LHFPL3: variants seen among roughly 807,000 people sequenced by gnomAD.
LHFPL3 encodes LHFPL tetraspan subfamily member 3, also known as LHFPL tetraspan subfamily member 3 protein.
A neutral mutation model predicts 19.3 loss-of-function variants in LHFPL3; 5 were observed. The ratio of observed to expected loss-of-function variants is 0.26; its 90% CI spans 0.14 to 0.54. The LOEUF (loss-of-function observed/expected upper bound fraction) is 0.54. Among genes scored for constraint, LHFPL3 ranks in the 20% least tolerant of loss-of-function variants. The pLI is 0.94. For synonymous variants in LHFPL3, 133 were observed against 126.2 expected, an observed-to-expected ratio of 1.05 and a Z score of -0.36; for missense variants, 249 against 307.4, an observed-to-expected ratio of 0.81 and a Z score of 1.42.
chr7:104,596,710 C>G (rs1161939394), intron 1 of LHFPL3, among the ~76,000 whole-genome samples: 2 of 152,238 alleles, frequency 1.3e-5, no homozygotes, highest in Non-Finnish European at 1.5e-5. Context: ...GTGGAGGCTA[C>G]ATTCAGATAC....
chr7:104,465,386 C>G (rs7456130), intron 1 of LHFPL3, among the ~76,000 whole-genome samples: 1 of 152,038 alleles, frequency 6.6e-6, no homozygotes, highest in Admixed American at 6.6e-5. Flanking sequence ...AAGTTGATTC[C>G]ACATTTTCGG....
intron 1 of LHFPL3, among the ~76,000 whole-genome samples, chr7:104,600,774 C>A (rs1400766608): frequency 6.6e-6 from 1 of 152,148 alleles, no homozygotes; most frequent in Non-Finnish European, 1.5e-5. Context: ...TCACAGTGTA[C>A]CTGTGATTTG....
intron 2 of LHFPL3, among the ~76,000 whole-genome samples, chr7:104,753,846 C>A (rs1278208502): frequency 2.0e-5 from 3 of 152,220 alleles, no homozygotes; most frequent in African/African-American, 7.2e-5. Context: ...AGTGAGTTAT[C>A]GGTTTGCACC....
At chr7:104,885,650 C>G (rs781124925) in intron 2 of LHFPL3, among the ~76,000 whole-genome samples, 1 of 152,174 alleles carries the variant, frequency 6.6e-6, no homozygotes, top group African/African-American at 2.4e-5. Context: ...CAAGCCACCA[C>G]TGCCTCTCTT....
intron 1 of LHFPL3, among the ~76,000 whole-genome samples, chr7:104,368,205 T>G (rs775113350): frequency 6.6e-6 from 1 of 152,266 alleles, no homozygotes; most frequent in Non-Finnish European, 1.5e-5. Flanking sequence ...GCTGCCTTTA[T>G]GTTCCCCACC....
intron 1 of LHFPL3, among the ~76,000 whole-genome samples, chr7:104,444,031 C>T (rs1450445235): frequency 6.6e-6 from 1 of 152,174 alleles, no homozygotes; most frequent in African/African-American, 2.4e-5. Flanking sequence ...TTGGCACAGC[C>T]TTTGGGCATT....
At chr7:104,712,307 A>G (rs1793312627) in intron 1 of LHFPL3, among the ~76,000 whole-genome samples, 1 of 152,268 alleles carries the variant, frequency 6.6e-6, no homozygotes, top group South Asian at 2.1e-4. Context: ...GAAGTCCAAG[A>G]TCAAGGTACC....
At chr7:104,812,670 G>T (rs1790494405) in intron 2 of LHFPL3, among the ~76,000 whole-genome samples, 1 of 151,210 alleles carries the variant, frequency 6.6e-6, no homozygotes, top group Admixed American at 6.6e-5. Context: ...CAGGCGAGGT[G>T]TCAGGCACCT....
intron 2 of LHFPL3, among the ~76,000 whole-genome samples, chr7:104,807,538 C>T (rs190408740): frequency 4.6e-5 from 7 of 152,328 alleles, no homozygotes; most frequent in African/African-American, 1.2e-4. Context: ...TTCTGAATTT[C>T]GGGTTGACAA....
chr7:104,343,526 A>G (rs1790001281), intron 1 of LHFPL3, among the ~76,000 whole-genome samples: 1 of 33,478 alleles, frequency 3.0e-5, no homozygotes, highest in Non-Finnish European at 4.7e-5. Context: ...AAAAAAAAAA[A>G]AAAAAAAAAA....
At chr7:104,458,847 A>G (rs1792602871) in intron 1 of LHFPL3, among the ~76,000 whole-genome samples, 1 of 152,074 alleles carries the variant, frequency 6.6e-6, no homozygotes. Context: ...CTGGCTTTCC[A>G]TTAGGTTCTG....
intron 1 of LHFPL3, among the ~76,000 whole-genome samples, chr7:104,414,536 G>C (rs1422448158): frequency 1.3e-5 from 2 of 152,204 alleles, no homozygotes; most frequent in African/African-American, 4.8e-5. Flanking sequence ...TTGTAAGGGA[G>C]ACACTTTGTG....
chr7:104,566,296 A>G (rs1267226893), intron 1 of LHFPL3, among the ~76,000 whole-genome samples: 1 of 152,162 alleles, frequency 6.6e-6, no homozygotes, highest in Admixed American at 6.5e-5. Flanking sequence ...GGCTGCAGTG[A>G]GTCGTAACCA....
At chr7:104,388,549 A>T (rs902675327) in intron 1 of LHFPL3, among the ~76,000 whole-genome samples, 1 of 152,160 alleles carries the variant, frequency 6.6e-6, no homozygotes, top group African/African-American at 2.4e-5. Flanking sequence ...ACTCTATGAG[A>T]CTAGTATTAT....
chr7:104,531,245 G>A (rs1233703435), intron 1 of LHFPL3, among the ~76,000 whole-genome samples: 3 of 152,160 alleles, frequency 2.0e-5, no homozygotes, highest in African/African-American at 2.4e-5. Context: ...GAGGTGTCCA[G>A]AAAGATCAGC....
At chr7:104,725,480 CAAAT>C (rs139918439) in intron 1 of LHFPL3, among the ~76,000 whole-genome samples, 3,975 of 152,160 alleles carry the variant, frequency 0.026, 93 homozygotes, top group African/African-American at 0.055. Flanking sequence ...AATTTTCTCA[CAAAT>C]AAAATTATTT....
intron 1 of LHFPL3, among the ~76,000 whole-genome samples, chr7:104,347,125 A>G (rs1302405826): frequency 3.3e-5 from 5 of 152,050 alleles, no homozygotes. Context: ...AGGTATTAGT[A>G]TCACCATCGC....
chr7:104,371,064 A>G (rs891037198), intron 1 of LHFPL3, among the ~76,000 whole-genome samples: 1 of 152,208 alleles, frequency 6.6e-6, no homozygotes, highest in Admixed American at 6.5e-5. Flanking sequence ...ATGGTTTGCC[A>G]GCAAAGCCCT....
Position 104,377,052 on chromosome 7 carries a change from T to G in LHFPL3, c.445+47828T>G, listed in dbSNP as rs1005529647. Among the ~76,000 whole-genome samples, 12 of 152,188 alleles carry G rather than the reference T, an allele frequency of 7.9e-5. No homozygotes were observed. In the South Asian group the frequency reaches 2.5e-3, roughly 31 times the overall value. On this transcript the variant is annotated intron_variant, in intron 1 of 2. Transcript: ENST00000424859. ...AAATTGGCTACATTTTCCCAAATAT[T>G]TGGATAATGTCCAGTCCCAACTAAC...
Sources: gnomAD v4.1 joint callset for allele counts (sites outside exome capture counted in the v4.1 genomes callset) on GRCh38, gnomAD v4.1.1 for gene constraint, MANE v1.5 for transcripts, NCBI Gene and HGNC (gene_info 2026-07-23, HGNC 2026-07-21) for gene names.